The following ZNF550 variants were observed in gnomAD, a reference collection of about 807,000 sequenced individuals.
The protein encoded by ZNF550 is zinc finger protein 550.
ZNF550 carries 42 observed loss-of-function variants against 40.2 expected under a neutral mutation model. The ratio of observed to expected loss-of-function variants is 1.05; its 90% CI spans 0.82 to 1.35. The LOEUF is 1.35. Ranked by LOEUF, ZNF550 falls within the 40% of genes most tolerant of loss-of-function variation. ZNF550 has a pLI of 0.00. For synonymous variants in ZNF550, 223 were observed against 198.6 expected, an observed-to-expected ratio of 1.12 and a Z score of -1.03; for missense variants, 549 against 525.2, an observed-to-expected ratio of 1.05 and a Z score of -0.44.
exon 3 of ZNF550, chr19:57,552,684 C>G (rs975009307): frequency 3.1e-6 from 5 of 1,598,336 alleles, no homozygotes; most frequent in Non-Finnish European, 4.2e-6. Context: ...TGCCCATGCT[C>G]TAGCAGGTGG....
chr19:57,551,555 A>G (rs2090072745), intron 3 of ZNF550, among the ~76,000 whole-genome samples: 1 of 152,182 alleles, frequency 6.6e-6, no homozygotes, highest in Non-Finnish European at 1.5e-5. Flanking sequence ...TCCAGGAGCT[A>G]TGTGGTGTGT....
exon 4 of ZNF550, chr19:57,546,958 G>A: frequency 6.3e-7 from 1 of 1,588,306 alleles, no homozygotes; most frequent in East Asian, 2.3e-5. Flanking sequence ...TGTATTCATT[G>A]CAGCAATAGG....
chr19:57,547,928 A>C, exon 4 of ZNF550: 1 of 1,614,130 alleles, frequency 6.2e-7, no homozygotes, highest in Non-Finnish European at 8.5e-7. Flanking sequence ...CCCCGGAGAA[A>C]GGCCCGCTCA....
chr19:57,542,385 C>T (rs908316876), exon 5 of ZNF550: 3 of 150,558 alleles, frequency 2.0e-5, no homozygotes, highest in Non-Finnish European at 4.4e-5. Context: ...GAACATAATA[C>T]TGATGACCTT....
rs533178724 is a variant in ZNF550 at position 57,556,075 on chromosome 19, C to T, written c.154+156G>A. The T allele has an allele frequency of 4.2e-6, 4 of 946,030 alleles. No individual in the cohort carries two copies. The East Asian group carries it at 7.6e-5, about 18-fold the overall frequency. 58.6% of individuals were successfully genotyped at this position (946,030 alleles called of 1,614,324 possible). On this transcript the variant is annotated intron_variant, in intron 2 of 4. Transcript: ENST00000457177. The stretch of plus-strand genomic sequence containing the variant: ...GTTTGTGTTAAAAGGACATTTTCTA[C>T]CCCGACAATCTCTGATGCAGACAAA...
At chr19:57,545,404 A>G (rs187229340) in intron 4 of ZNF550, among the ~76,000 whole-genome samples, 24 of 152,314 alleles carry the variant, frequency 1.6e-4, no homozygotes, top group African/African-American at 5.5e-4. Context: ...ATCCCTAGAA[A>G]AATGCTGAGG....
At chr19:57,551,117 CAGGCACTGGCAA>C (rs2090069269) in intron 3 of ZNF550, among the ~76,000 whole-genome samples, 1 of 152,096 alleles carries the variant, frequency 6.6e-6, no homozygotes, top group Non-Finnish European at 1.5e-5. Flanking sequence ...AGGTATGATG[CAGGCACTGGCAA>C]AGACACTGAC....
intron 1 of ZNF550, among the ~76,000 whole-genome samples, chr19:57,558,671 T>C (rs1226421326): frequency 6.6e-6 from 1 of 152,096 alleles, no homozygotes; most frequent in African/African-American, 2.4e-5. Flanking sequence ...CTTTAAACGG[T>C]GCAACAGACG....
chr19:57,547,951 G>A (rs369950321), exon 4 of ZNF550: 22 of 1,613,846 alleles, frequency 1.4e-5, no homozygotes, highest in East Asian at 8.9e-5. Flanking sequence ...TAAGACTGGC[G>A]GGTAAGTGGT....
At chr19:57,556,491 G>C in intron 1 of ZNF550, 134 bp from the exon 2 acceptor site, 4 of 1,160,964 alleles carry the variant, frequency 3.4e-6, no homozygotes, top group Non-Finnish European at 3.7e-6. Flanking sequence ...GCTGACTTCC[G>C]TGCAGGGCTC....
chr19:57,556,611 A>G (rs2090123774), intron 1 of ZNF550: 2 of 397,340 alleles, frequency 5.0e-6, no homozygotes, highest in Admixed American at 4.1e-5. Flanking sequence ...CACGAGGACT[A>G]TGGGAAGCAG....
chr19:57,546,758 G>A, exon 4 of ZNF550: 1 of 1,333,544 alleles, frequency 7.5e-7, no homozygotes, highest in Non-Finnish European at 9.6e-7. Context: ...GAACTGAGTG[G>A]TGACTGAAGG....
intron 1 of ZNF550, 91 bp downstream of exon 1, chr19:57,559,565 C>T: frequency 1.5e-6 from 2 of 1,323,494 alleles, no homozygotes; most frequent in South Asian, 3.1e-5. Flanking sequence ...AGGGACTGCA[C>T]TGAGGACGAC....
upstream of ZNF550, among the ~76,000 whole-genome samples, chr19:57,560,056 C>A (rs747045795): frequency 3.9e-5 from 6 of 152,212 alleles, no homozygotes; most frequent in Non-Finnish European, 8.8e-5. Flanking sequence ...TTTAAAACTT[C>A]CTATTATTCG....
At chr19:57,550,779 T>C (rs2090065806) in intron 3 of ZNF550, among the ~76,000 whole-genome samples, 1 of 152,228 alleles carries the variant, frequency 6.6e-6, no homozygotes, top group Non-Finnish European at 1.5e-5. Flanking sequence ...TATTATTGTA[T>C]ACATAAGATT....
chr19:57,552,650 C>T, exon 3 of ZNF550: 1 of 1,597,878 alleles, frequency 6.3e-7, no homozygotes, highest in Non-Finnish European at 8.5e-7. Context: ...ATGTGAGAGG[C>T]CTCTCTTCAC....
intron 2 of ZNF550, 98 bp downstream of exon 2, chr19:57,556,133 A>G: frequency 6.7e-7 from 1 of 1,497,290 alleles, no homozygotes; most frequent in Non-Finnish European, 9.3e-7. Context: ...GGGAACAGAA[A>G]GGTCTGTCAA....
intron 3 of ZNF550, among the ~76,000 whole-genome samples, chr19:57,550,511 GAC>G (rs963305460): frequency 3.9e-5 from 6 of 152,168 alleles, no homozygotes; most frequent in Admixed American, 1.3e-4. Context: ...CCAGCTCATG[GAC>G]ACAATGATGG....
chr19:57,552,775 T>G, intron 2 of ZNF550, 53 bp from the exon 3 acceptor site: 2 of 1,340,310 alleles, frequency 1.5e-6, no homozygotes, highest in Non-Finnish European at 1.0e-6. Context: ...AAAATGAAAG[T>G]CTCTCCATCT....
Sources: allele counts gnomAD v4.1 joint callset (sites outside exome capture counted in the v4.1 genomes callset), GRCh38; gene constraint gnomAD v4.1.1; transcripts MANE v1.5; gene names NCBI Gene and HGNC (gene_info 2026-07-23, HGNC 2026-07-21).